NLRP12: variants seen among roughly 807,000 people sequenced by gnomAD.
NLRP12 encodes the protein NACHT, LRR and PYD domains-containing protein 12.
Under a neutral mutation model 91.2 loss-of-function variants are expected in NLRP12, and 108 were observed. The observed-to-expected ratio is 1.18, with a 90% CI of 1.01 to 1.39. The LOEUF is 1.39. Among genes scored for constraint, NLRP12 ranks in the 40% most tolerant of loss-of-function variants. The probability of loss-of-function intolerance (pLI) is 0.00; values close to 1 mark genes in which losing one functional copy is unlikely to be tolerated. For missense variants in NLRP12, 1,530 were observed against 1,352.7 expected, an observed-to-expected ratio of 1.13 and a Z score of -2.06; for synonymous variants, 613 against 566.7, an observed-to-expected ratio of 1.08 and a Z score of -1.16.
intron 3 of NLRP12, chr19:53,808,030 G>T (rs758512115): frequency 2.8e-6 from 1 of 356,702 alleles, no homozygotes; most frequent in East Asian, 7.3e-5. Flanking sequence ...GATTACAGGC[G>T]TGAGCCACCA....
intron 1 of NLRP12, among the ~76,000 whole-genome samples, chr19:53,822,141 C>G (rs981031727): frequency 6.6e-6 from 1 of 152,082 alleles, no homozygotes; most frequent in African/African-American, 2.4e-5. Context: ...TTACTATGTT[C>G]AAGTACCTGC....
At chr19:53,811,533 TTAAAA>T (rs960688923) in intron 2 of NLRP12, among the ~76,000 whole-genome samples, 1 of 151,614 alleles carries the variant, frequency 6.6e-6, no homozygotes, top group African/African-American at 2.4e-5. Flanking sequence ...TTTTTTTTAA[TTAAAA>T]TAATTTATTT....
chr19:53,819,230 A>G (rs1305962901), intron 1 of NLRP12, among the ~76,000 whole-genome samples: 1 of 151,550 alleles, frequency 6.6e-6, no homozygotes, highest in African/African-American at 2.4e-5. Flanking sequence ...CAAGTAAGTA[A>G]ATTGATACTT....
In NLRP12 at chr19:53,807,603, T is replaced by C. The variant is rs138187543; in HGVS notation, c.2135A>G (p.Asn712Ser). 44 of 1,614,102 alleles carry C rather than the reference T, an allele frequency of 2.7e-5. No homozygotes were observed. In the African/African-American group the frequency reaches 4.1e-4, roughly 15 times the overall value. The change falls in exon 4 of 10, where the codon AAT (asparagine) becomes AGT (serine). Residue 712 changes from asparagine (N) to serine (S), a missense_variant. Asn to Ser is a conservative substitution (Grantham distance 46, BLOSUM62 1). Transcript: ENST00000324134. The part of the protein sequence containing the change: ...SEHLAAALCT[N>S]PNLIELSLYR... The stretch of plus-strand genomic sequence containing the variant: ...CAGAGACAGCTCTATCAGGTTTGGA[T>C]TGGTGCACAGGGCCGCTGCCAGATG...
intron 4 of NLRP12, among the ~76,000 whole-genome samples, chr19:53,807,109 C>T (rs1293058655): frequency 6.6e-6 from 1 of 151,570 alleles, no homozygotes; most frequent in Non-Finnish European, 1.5e-5. Context: ...ACCGTATCAC[C>T]CAGGCTGGAG....
At chr19:53,820,052 G>C (rs2092243825) in intron 1 of NLRP12, among the ~76,000 whole-genome samples, 1 of 152,100 alleles carries the variant, frequency 6.6e-6, no homozygotes, top group Non-Finnish European at 1.5e-5. Flanking sequence ...AGAAGTGACT[G>C]TGTATATCCA....
At chr19:53,802,304 G>A (rs187580681) in intron 6 of NLRP12, among the ~76,000 whole-genome samples, 1 of 152,192 alleles carries the variant, frequency 6.6e-6, no homozygotes, top group East Asian at 1.9e-4. Flanking sequence ...TGTACAAATG[G>A]CCAAAAAGCA....
At chr19:53,798,149 G>A in intron 8 of NLRP12, 94 bp downstream of exon 8, 1 of 1,310,622 alleles carries the variant, frequency 7.6e-7, no homozygotes, top group Non-Finnish European at 1.1e-6. Context: ...TTGTAGTGAA[G>A]CAGGATAGTT....
rs374537127 is a variant in NLRP12, at chr19:53,810,081, A to G, written c.1578T>C (p.Tyr526=). ...CCCCGCCCTCCCCCTCGTCCAGGAT[A>G]TAGTACATAGCTGCAAAGAATTCCT... is the stretch of plus-strand genomic sequence containing the variant. ...SFQEFFAAMY[Y]ILDEGEGGAG... Residue 526 remains tyrosine (Y), a synonymous_variant, in exon 3 of 10, where the codon TAT becomes TAC. Coordinates refer to ENST00000324134, the MANE Select transcript of NLRP12 (RefSeq NM_144687.4). 5 of 1,614,162 alleles carry G rather than the reference A, an allele frequency of 3.1e-6. No individual in the cohort carries two copies. Among genetic ancestry groups the G allele is most frequent in the African/African-American group, 2.7e-5 (2 of 75,052 alleles).
Position 53,807,543 on chromosome 19 carries a change from A to G in NLRP12, c.2195T>C (p.Leu732Pro). The G allele has an allele frequency of 6.2e-7, 1 of 1,614,148 alleles. No homozygotes were observed. Among genetic ancestry groups the G allele is most frequent in the South Asian group, 1.1e-5 (1 of 91,084 alleles). ...GGGGTGTCTGAGTCCTTGACAGAGC[A>G]GCTTCACCCCCCGGCTGCCCAGGGC... ...RNALGSRGVK[L>P]LCQGLRHPNC... Residue 732 changes from leucine to proline, a missense_variant, in exon 4 of 10, where the codon CTG becomes CCG. By Grantham distance (98) the Leu-to-Pro change is moderately conservative (BLOSUM62 -3). Transcript: ENST00000324134.
In NLRP12 at chr19:53,809,787, C is replaced by T. The variant is rs1001316415; in HGVS notation, c.1872G>A (p.Glu624=). The T allele has an allele frequency of 6.2e-7, 1 of 1,613,954 alleles. No individual in the cohort carries two copies. Among genetic ancestry groups the T allele is most frequent in the Non-Finnish European group, 8.5e-7 (1 of 1,179,866 alleles). Residue 624 remains glutamate (E), a synonymous_variant, in exon 3 of 10, where the codon GAG becomes GAA. Transcript: ENST00000324134. ...FSCLYEIQEE[E]FIQQALSHFQ... is the part of the protein sequence containing the mutation. ...AGTGGCTCAGGGCCTGCTGGATAAA[C>T]TCCTCCTCCTGGATCTCGTACAAGC...
intron 8 of NLRP12, among the ~76,000 whole-genome samples, chr19:53,796,723 G>C (rs376159601): frequency 2.0e-4 from 31 of 151,842 alleles, no homozygotes; most frequent in African/African-American, 7.2e-4. Context: ...TAGGCCGGGC[G>C]TGGTGGCTCA....
chr19:53,808,064 TTTCA>T (rs1294504310), intron 3 of NLRP12: 10 of 350,998 alleles, frequency 2.8e-5, no homozygotes, highest in Non-Finnish European at 2.2e-5. Flanking sequence ...CATGCTATCT[TTTCA>T]TTTTTTTTTT....
At position 53,810,841 on chromosome 19, in the gene NLRP12, G is replaced by A. The variant is rs776846366; in HGVS notation, c.818C>T (p.Pro273Leu). The A allele has an allele frequency of 1.2e-6, 2 of 1,613,998 alleles. No homozygotes were observed. The highest frequency in any genetic ancestry group is 2.7e-5 in the African/African-American group (2 of 74,924). The stretch of plus-strand genomic sequence containing the variant: ...CTCCTGGAGAGGCGCGCTGGGCTCA[G>A]GCCAGCAGCTGAAGATGAGGTCTTG... ...SMQDLIFSCW[P>L]EPSAPLQELI... is the part of the protein sequence containing the mutation. Residue 273 changes from proline to leucine, a missense_variant, in exon 3 of 10, where the codon CCT becomes CTT. Pro to Leu is a moderately conservative substitution (Grantham distance 98). Coordinates refer to ENST00000324134, the MANE Select transcript of NLRP12 (RefSeq NM_144687.4).
chr19:53,801,495 A>G lies in NLRP12; in HGVS notation c.2586-98T>C, dbSNP rs1332433308. On this transcript the variant is annotated intron_variant, in intron 6 of 9. Coordinates refer to ENST00000324134, the MANE Select transcript of NLRP12 (RefSeq NM_144687.4). ...GAGACAGAGTCCCACTCTGTTGCCC[A>G]GGCTGGAATGCAGTGGTGCAATCTC... 5 of 1,448,566 alleles carry G rather than the reference A, an allele frequency of 3.5e-6. No homozygotes were observed. In the East Asian group the frequency reaches 1.0e-4, roughly 29 times the overall value. 89.7% of individuals were successfully genotyped at this position (1,448,566 alleles called of 1,614,324 possible).
rs538612747 is a variant in NLRP12, at chr19:53,800,961, A to C, written c.2756+266T>G. The stretch of plus-strand genomic sequence containing the variant: ...TGTAATCCCAGCACTTTGGGAGGCC[A>C]AGGCAGGCAGATCATGAGGTCAGTA... On this transcript the variant is annotated intron_variant, in intron 7 of 9. Transcript: ENST00000324134. 2.0e-3 allele frequency among the ~76,000 whole-genome samples: 301 copies of C among 152,148 alleles called. No homozygotes were observed. The Middle Eastern group carries it at 0.02, about 10-fold the overall frequency.
chr19:53,813,278 ATTCT>A (rs1259391342), intron 2 of NLRP12, among the ~76,000 whole-genome samples: 1 of 110,026 alleles, frequency 9.1e-6, no homozygotes, highest in Admixed American at 9.0e-5. Flanking sequence ...GGCAACTGCT[ATTCT>A]TTTTTTTTTT....
Position 53,811,062 on chromosome 19 carries a change from G to A in NLRP12, c.597C>T (p.Leu199=). 1 of 1,612,742 alleles carries A rather than the reference G, an allele frequency of 6.2e-7. No individual in the cohort carries two copies. Residue 199 remains leucine, a synonymous_variant, in exon 3 of 10, where the codon CTC becomes CTT. Coordinates refer to ENST00000324134, the MANE Select transcript of NLRP12 (RefSeq NM_144687.4). Reference sequence around the variant, plus strand: ...CGGGGCGCTCCTCGTCTGGCTCAAAGAGGGTCTCTATCTTGATGGGGCTAG... The same window carrying A: ...CGGGGCGCTCCTCGTCTGGCTCAAAAAGGGTCTCTATCTTGATGGGGCTAG... The part of the protein sequence containing the change: ...HQASPIKIET[L]FEPDEERPEP...
chr19:53,807,427 TTG>T (rs1000659639), intron 4 of NLRP12, 66 bp downstream of exon 4: 3 of 1,489,220 alleles, frequency 2.0e-6, no homozygotes, highest in African/African-American at 2.8e-5. Context: ...GATAGAACCT[TTG>T]TGACTGATCC....
Sources: gnomAD v4.1 joint callset for allele counts (sites outside exome capture counted in the v4.1 genomes callset) on GRCh38, gnomAD v4.1.1 for gene constraint, MANE v1.5 for transcripts, NCBI Gene and HGNC (gene_info 2026-07-23, HGNC 2026-07-21) for gene names.